Variants in METTL24 observed in about 807,000 individuals in gnomAD.
METTL24 encodes the protein methyltransferase like 24, also known as probable methyltransferase-like protein 24.
A neutral mutation model predicts 32.7 loss-of-function variants in METTL24; 29 were observed. The ratio of observed to expected loss-of-function variants is 0.89; its 90% confidence interval spans 0.66 to 1.21. The LOEUF (loss-of-function observed/expected upper bound fraction) is 1.21. Among genes scored for constraint, METTL24 ranks in the 50% most tolerant of loss-of-function variants. The probability of loss-of-function intolerance (pLI) is 0.00; values close to 1 mark genes in which losing one functional copy is unlikely to be tolerated. For missense variants in METTL24, 439 were observed against 468.1 expected (o/e 0.94, Z 0.57); for synonymous variants, 163 against 179.5 (o/e 0.91, Z 0.73).
At chr6:110,316,315 AG>A (rs532593471) in intron 2 of METTL24, among the ~76,000 whole-genome samples, 160 of 152,338 alleles carry the variant, frequency 1.1e-3, no homozygotes, top group African/African-American at 3.1e-3. Context: ...ATACTTCATA[AG>A]GGATTCTGAC....
intron 4 of METTL24, among the ~76,000 whole-genome samples, chr6:110,287,988 G>A (rs781271741): frequency 1.3e-5 from 2 of 152,180 alleles, no homozygotes; most frequent in Non-Finnish European, 2.9e-5. Flanking sequence ...GAAAAAATGT[G>A]TTCCGGTACA....
chr6:110,296,845 A>G (rs1771428870), intron 4 of METTL24, among the ~76,000 whole-genome samples: 1 of 152,128 alleles, frequency 6.6e-6, no homozygotes, highest in African/African-American at 2.4e-5. Flanking sequence ...CCTATTTACC[A>G]CTGTCTGTAC....
chr6:110,303,097 G>A (rs1295196583), intron 3 of METTL24, among the ~76,000 whole-genome samples: 2 of 152,094 alleles, frequency 1.3e-5, no homozygotes, highest in African/African-American at 4.8e-5. Context: ...GAAGCCATGA[G>A]GGACCCTGCC....
intron 4 of METTL24, among the ~76,000 whole-genome samples, chr6:110,289,177 T>A (rs921869601): frequency 2.6e-5 from 4 of 152,086 alleles, no homozygotes; most frequent in Admixed American, 6.6e-5. Context: ...ACCAAAAACC[T>A]TCTACTGAAA....
chr6:110,251,425 A>T (rs1778276271), intron 4 of METTL24, among the ~76,000 whole-genome samples: 1 of 152,204 alleles, frequency 6.6e-6, no homozygotes, highest in East Asian at 1.9e-4. Flanking sequence ...TTGACAGTTG[A>T]CATAGAACCT....
chr6:110,291,438 T>G (rs1046490615), intron 4 of METTL24, among the ~76,000 whole-genome samples: 4 of 152,216 alleles, frequency 2.6e-5, no homozygotes, highest in Non-Finnish European at 5.9e-5. Flanking sequence ...CAGCACCATT[T>G]GTTGAAAAGA....
chr6:110,263,658 G>A (rs7758385), intron 4 of METTL24, among the ~76,000 whole-genome samples: 1,651 of 152,240 alleles, frequency 0.011, 13 homozygotes, highest in Middle Eastern at 0.017. Flanking sequence ...AGCCCGCATC[G>A]CCAAGTCAAT....
Position 110,325,677 on chromosome 6 carries a change from A to C in METTL24, c.319-2805T>G, listed in dbSNP as rs1296826546. 2.6e-5 allele frequency among the ~76,000 whole-genome samples: 4 copies of C among 152,220 alleles called. No homozygotes were observed. In the East Asian group the frequency reaches 7.7e-4, roughly 29 times the overall value. ...GGTAAAATGGGGTCTTTGTCAGATGACCATGAGAGACTGGGCTCACAGACA... is the reference window on the plus strand; with the variant it reads ...GGTAAAATGGGGTCTTTGTCAGATGCCCATGAGAGACTGGGCTCACAGACA... On this transcript the variant is annotated intron_variant, in intron 1 of 4. Transcript: ENST00000338882.
chr6:110,270,806 T>C (rs1770943733), intron 4 of METTL24, among the ~76,000 whole-genome samples: 2 of 151,462 alleles, frequency 1.3e-5, no homozygotes, highest in South Asian at 4.2e-4. Context: ...TTACATTACA[T>C]GAGGAGAGGA....
chr6:110,317,640 C>T (rs1177023561), intron 2 of METTL24, among the ~76,000 whole-genome samples: 1 of 152,016 alleles, frequency 6.6e-6, no homozygotes, highest in African/African-American at 2.4e-5. Context: ...TCCCCATTTG[C>T]TATTGTTCTT....
At chr6:110,277,926 GC>G (rs1771074641) in intron 4 of METTL24, among the ~76,000 whole-genome samples, 1 of 152,106 alleles carries the variant, frequency 6.6e-6, no homozygotes, top group Non-Finnish European at 1.5e-5. Context: ...TGTGTAAGAA[GC>G]AAAAAGAAGG....
intron 4 of METTL24, among the ~76,000 whole-genome samples, chr6:110,280,374 C>T (rs112870194): frequency 0.014 from 2,117 of 152,168 alleles, 57 homozygotes; most frequent in African/African-American, 0.047. Context: ...ATATATACCA[C>T]GTATTTCAAT....
chr6:110,329,177 C>T (rs1398620714), intron 1 of METTL24, among the ~76,000 whole-genome samples: 2 of 152,142 alleles, frequency 1.3e-5, no homozygotes, highest in African/African-American at 4.8e-5. Context: ...TGCATGTTCC[C>T]ACCCCAGTGA....
chr6:110,332,414 G>A (rs1772124775), intron 1 of METTL24: 5 of 557,432 alleles, frequency 9.0e-6, no homozygotes, highest in African/African-American at 8.4e-5. Context: ...TTTTTATCAT[G>A]GGCAGTAAAA....
intron 4 of METTL24, among the ~76,000 whole-genome samples, chr6:110,257,811 T>C (rs1220953047): frequency 1.3e-5 from 2 of 152,228 alleles, no homozygotes; most frequent in Non-Finnish European, 2.9e-5. Context: ...TCTTTGGCCT[T>C]GGAAGGTATA....
intron 1 of METTL24, among the ~76,000 whole-genome samples, chr6:110,342,494 T>A (rs55933205): frequency 0.072 from 10,950 of 152,332 alleles, 499 homozygotes; most frequent in Non-Finnish European, 0.1. Context: ...GAGAATATCA[T>A]GTACTTTCAC....
At chr6:110,260,606 T>C (rs1455100372) in intron 4 of METTL24, among the ~76,000 whole-genome samples, 2 of 152,030 alleles carry the variant, frequency 1.3e-5, no homozygotes, top group Non-Finnish European at 2.9e-5. Context: ...ATTCAGGAAA[T>C]ACAGAGAAGG....
intron 1 of METTL24, among the ~76,000 whole-genome samples, chr6:110,356,368 G>T (rs1772698327): frequency 6.6e-6 from 1 of 151,990 alleles, no homozygotes; most frequent in Admixed American, 6.6e-5. Context: ...GCTTGAACCC[G>T]GGAGACGGAA....
intron 4 of METTL24, among the ~76,000 whole-genome samples, chr6:110,268,774 T>C (rs867683265): frequency 7.2e-5 from 11 of 152,068 alleles, no homozygotes; most frequent in Non-Finnish European, 5.9e-5. Context: ...TTTATAAAAC[T>C]CCATACAAAT....
Sources: gnomAD v4.1 joint callset for allele counts (sites outside exome capture counted in the v4.1 genomes callset) on GRCh38, gnomAD v4.1.1 for gene constraint, MANE v1.5 for transcripts, NCBI Gene and HGNC (gene_info 2026-07-23, HGNC 2026-07-21) for gene names.